PSMG2: variants seen among roughly 807,000 people sequenced by gnomAD.
The protein encoded by PSMG2 is CD40 ligand-activated specific transcript 3.
In PSMG2, 21 loss-of-function variants were observed where a neutral mutation model predicts 31.5. The observed-to-expected ratio is 0.67, with a 90% CI of 0.47 to 0.96. The LOEUF is 0.96. PSMG2 is among the 40% of genes least tolerant of loss of function. The pLI, the probability that PSMG2 is intolerant of heterozygous loss-of-function variation, is 0.00. For synonymous variants in PSMG2, 120 were observed against 110.4 expected, an observed-to-expected ratio of 1.09 and a Z score of -0.54; for missense variants, 318 against 321.2, an observed-to-expected ratio of 0.99 and a Z score of 0.08.
chr18:12,718,757 GA>G (rs1268024835), intron 4 of PSMG2, 122 bp downstream of exon 4: 35 of 627,312 alleles, frequency 5.6e-5, no homozygotes, highest in Non-Finnish European at 8.2e-5. Context: ...AGTTTAGAAA[GA>G]GGGGGGTAAG....
chr18:12,715,835 G>A (rs962874771), intron 3 of PSMG2, among the ~76,000 whole-genome samples: 13 of 152,148 alleles, frequency 8.5e-5, no homozygotes, highest in African/African-American at 1.9e-4. Flanking sequence ...GAAGTATGAC[G>A]TACATGAGAA....
At chr18:12,689,162 A>G (rs1217974659) in intron 1 of PSMG2, among the ~76,000 whole-genome samples, 1 of 152,188 alleles carries the variant, frequency 6.6e-6, no homozygotes, top group African/African-American at 2.4e-5. Flanking sequence ...TGGATACATT[A>G]GAAATTTTTT....
At chr18:12,694,299 TA>T (rs2039872193) in intron 1 of PSMG2, among the ~76,000 whole-genome samples, 1 of 152,100 alleles carries the variant, frequency 6.6e-6, no homozygotes, top group Admixed American at 6.6e-5. Flanking sequence ...CACAGGTCTG[TA>T]AAAGGAACAA....
chr18:12,703,032 T>G (rs984794862), upstream of PSMG2: 6 of 1,533,596 alleles, frequency 3.9e-6, no homozygotes, highest in African/African-American at 6.9e-5. Flanking sequence ...CTCCGGGGTC[T>G]CGGGCTTCCG....
intron 1 of PSMG2, among the ~76,000 whole-genome samples, chr18:12,674,918 G>A (rs1007615251): frequency 2.7e-5 from 4 of 149,470 alleles, no homozygotes; most frequent in African/African-American, 1.0e-4. Context: ...ATAAAAATCA[G>A]ATAAAAGGAA....
In PSMG2 at chr18:12,675,609, TAGGG is replaced by T. The variant is rs1274425154; in HGVS notation, c.-37+16839_-37+16842del. On this transcript the variant is annotated intron_variant, in intron 1 of 6. Transcript: ENST00000585331. ...AAGATGAAGACATTTTATAGGCCCT[TAGGG>T]AGCTTAAAACATATTTCTATGGAAT... 2.6e-5 allele frequency among the ~76,000 whole-genome samples: 4 copies of T among 152,116 alleles called. 1 individual carries two copies. The highest frequency in any genetic ancestry group is 2.6e-4 in the Admixed American group (4 of 15,252).
chr18:12,703,741 T>C (rs1199819758), intron 1 of PSMG2, among the ~76,000 whole-genome samples: 1 of 152,008 alleles, frequency 6.6e-6, no homozygotes, highest in Non-Finnish European at 1.5e-5. Flanking sequence ...CTTGAAAGGG[T>C]ATAGAAAGGT....
upstream of PSMG2, among the ~76,000 whole-genome samples, chr18:12,701,400 G>A (rs1485777883): frequency 6.6e-6 from 1 of 152,116 alleles, no homozygotes; most frequent in Non-Finnish European, 1.5e-5. Flanking sequence ...CTGGGAGTAG[G>A]CAGATCAAAG....
intron 1 of PSMG2, among the ~76,000 whole-genome samples, chr18:12,660,336 T>TTTC (rs397965254): frequency 1.3e-5 from 2 of 151,186 alleles, no homozygotes; most frequent in African/African-American, 4.9e-5. Context: ...TTTTTTTTTT[T>TTTC]AATTGAGACA....
intron 1 of PSMG2, chr18:12,685,184 G>C (rs2039498367): frequency 6.6e-6 from 1 of 151,876 alleles, no homozygotes; most frequent in Non-Finnish European, 1.5e-5. Context: ...ACTTTTAGTG[G>C]AGACGGAGTT....
intron 2 of PSMG2, among the ~76,000 whole-genome samples, chr18:12,709,686 G>A (rs2040309320): frequency 6.6e-6 from 1 of 151,460 alleles, no homozygotes; most frequent in Admixed American, 6.6e-5. Flanking sequence ...TTTTAGTAGA[G>A]ATGAGGTTTC....
intron 1 of PSMG2, chr18:12,672,898 T>A (rs1444382467): frequency 1.5e-5 from 15 of 985,220 alleles, no homozygotes; most frequent in Non-Finnish European, 1.8e-5. Context: ...TCATTAACAT[T>A]TATTTTCACC....
intron 2 of PSMG2, among the ~76,000 whole-genome samples, chr18:12,711,224 A>T (rs974288584): frequency 6.6e-6 from 1 of 152,176 alleles, no homozygotes; most frequent in African/African-American, 2.4e-5. Flanking sequence ...GTGAGCCGAT[A>T]TCGCACCACT....
At chr18:12,696,781 C>T (rs985153400) in intron 1 of PSMG2, among the ~76,000 whole-genome samples, 1 of 152,122 alleles carries the variant, frequency 6.6e-6, no homozygotes, top group Non-Finnish European at 1.5e-5. Context: ...TCTTCCGAGT[C>T]TCACTCACCC....
intron 4 of PSMG2, among the ~76,000 whole-genome samples, chr18:12,719,126 G>T (rs965811348): frequency 6.6e-6 from 1 of 152,070 alleles, no homozygotes; most frequent in African/African-American, 2.4e-5. Flanking sequence ...GCCCAGGCTG[G>T]TCTCGAATTC....
intron 1 of PSMG2, among the ~76,000 whole-genome samples, chr18:12,673,994 C>G (rs2039028300): frequency 6.6e-6 from 1 of 152,264 alleles, no homozygotes; most frequent in Middle Eastern, 3.4e-3. Context: ...CAAACAAAAT[C>G]AGAGATACCT....
upstream of PSMG2, among the ~76,000 whole-genome samples, chr18:12,701,370 T>G (rs1228941230): frequency 6.6e-6 from 1 of 152,174 alleles, no homozygotes; most frequent in Non-Finnish European, 1.5e-5. Flanking sequence ...GGGAGTATAG[T>G]ATAATCAGAA....
intron 1 of PSMG2, chr18:12,678,313 A>C: frequency 6.2e-7 from 1 of 1,614,200 alleles, no homozygotes; most frequent in Non-Finnish European, 8.5e-7. Flanking sequence ...TTTCTACTGC[A>C]TCAGAGGGTT....
intron 1 of PSMG2, among the ~76,000 whole-genome samples, chr18:12,693,850 A>G (rs1267414008): frequency 6.6e-6 from 1 of 152,178 alleles, no homozygotes; most frequent in Admixed American, 6.5e-5. Context: ...CATTTATTTA[A>G]GAGACAGGGT....
Sources: allele counts gnomAD v4.1 joint callset (sites outside exome capture counted in the v4.1 genomes callset), GRCh38; gene constraint gnomAD v4.1.1; transcripts MANE v1.5; gene names NCBI Gene and HGNC (gene_info 2026-07-23, HGNC 2026-07-21).